The following AFF3 variants were observed in gnomAD, a reference collection of about 807,000 sequenced individuals.
AFF3 encodes AF4/FMR2 family member 3.
AFF3 carries 32 observed loss-of-function variants against 129.7 expected under a neutral mutation model. The observed-to-expected ratio is 0.25, with a 90% CI of 0.19 to 0.33. The LOEUF is 0.33. Among genes scored for constraint, AFF3 ranks in the 10% least tolerant of loss-of-function variants. AFF3 has a pLI of 1.00. For missense variants in AFF3, 1,373 were observed against 1,592.0 expected, an observed-to-expected ratio of 0.86 and a Z score of 2.34; for synonymous variants, 644 against 635.4, an observed-to-expected ratio of 1.01 and a Z score of -0.20.
intron 8 of AFF3, among the ~76,000 whole-genome samples, chr2:99,818,677 T>A (rs1258921286): frequency 6.6e-6 from 1 of 152,192 alleles, no homozygotes; most frequent in African/African-American, 2.4e-5. Flanking sequence ...GATAGCTGGT[T>A]CAAGCAATCT....
chr2:100,031,958 A>G (rs1684527466), intron 4 of AFF3, among the ~76,000 whole-genome samples: 1 of 152,248 alleles, frequency 6.6e-6, no homozygotes, highest in South Asian at 2.1e-4. Flanking sequence ...CAATCTCACA[A>G]ACATAATATT....
intron 7 of AFF3, among the ~76,000 whole-genome samples, chr2:99,913,513 T>C: frequency 6.6e-6 from 1 of 152,210 alleles, no homozygotes; most frequent in East Asian, 1.9e-4. Flanking sequence ...TATGTATATG[T>C]ATATATGCAC....
chr2:100,019,783 C>T (rs1246722056), intron 4 of AFF3, among the ~76,000 whole-genome samples: 1 of 152,082 alleles, frequency 6.6e-6, no homozygotes, highest in African/African-American at 2.4e-5. Context: ...TTTCCCTCCT[C>T]CAACCTTCCC....
intron 8 of AFF3, among the ~76,000 whole-genome samples, chr2:99,816,404 T>G (rs1687236310): frequency 6.6e-6 from 1 of 152,224 alleles, no homozygotes; most frequent in African/African-American, 2.4e-5. Context: ...TTGTAAGTCT[T>G]GTAATTTTTT....
chr2:99,909,326 G>A (rs1299253762), intron 7 of AFF3, among the ~76,000 whole-genome samples: 2 of 145,860 alleles, frequency 1.4e-5, no homozygotes, highest in African/African-American at 2.5e-5. Context: ...ATCACACACC[G>A]GGGACTGCTG....
At chr2:99,757,505 C>A (rs114322446) in intron 8 of AFF3, among the ~76,000 whole-genome samples, 4 of 152,072 alleles carry the variant, frequency 2.6e-5, no homozygotes, top group African/African-American at 7.2e-5. Context: ...CGATTTTAAA[C>A]GCTTTATGTG....
At chr2:99,752,469 T>TCA (rs1681740283) in intron 8 of AFF3, among the ~76,000 whole-genome samples, 168 bp from the exon 9 acceptor site, 2 of 152,362 alleles carry the variant, frequency 1.3e-5, no homozygotes, top group Non-Finnish European at 2.9e-5. Flanking sequence ...TTTTATGATT[T>TCA]CATTTCCTAA....
chr2:99,778,895 C>CGT (rs779791266), intron 8 of AFF3, among the ~76,000 whole-genome samples: 3 of 137,134 alleles, frequency 2.2e-5, no homozygotes, highest in African/African-American at 9.3e-5. Context: ...TGTGTGTGTG[C>CGT]GCGTGTGTGT....
intron 4 of AFF3, among the ~76,000 whole-genome samples, chr2:100,037,471 T>C (rs1414486826): frequency 2.8e-5 from 3 of 107,508 alleles, no homozygotes; most frequent in African/African-American, 1.1e-4. Context: ...TAAATATATA[T>C]TTATATTTTA....
intron 13 of AFF3, among the ~76,000 whole-genome samples, chr2:99,621,393 C>A (rs1681990579): frequency 6.6e-6 from 1 of 152,216 alleles, no homozygotes; most frequent in South Asian, 2.1e-4. Context: ...CTATGCTGTG[C>A]TGTGGGTAGA....
At chr2:99,694,826 C>G (rs534267756) in intron 11 of AFF3, among the ~76,000 whole-genome samples, 1 of 152,154 alleles carries the variant, frequency 6.6e-6, no homozygotes, top group African/African-American at 2.4e-5. Flanking sequence ...CCTGACTCAG[C>G]CTCCTAAGTA....
chr2:99,753,506 C>T (rs551859135), intron 8 of AFF3, among the ~76,000 whole-genome samples: 172 of 152,236 alleles, frequency 1.1e-3, no homozygotes, highest in Non-Finnish European at 1.8e-3. Flanking sequence ...GAGGTGAGGA[C>T]ATTTCCTTAC....
chr2:99,652,646 AG>A (rs2105652982), intron 12 of AFF3, among the ~76,000 whole-genome samples: 2 of 152,276 alleles, frequency 1.3e-5, no homozygotes, highest in South Asian at 4.2e-4. Flanking sequence ...ATTCTGGGAC[AG>A]GTTTTGCCAT....
chr2:99,797,680 G>C (rs1227499830), intron 8 of AFF3, among the ~76,000 whole-genome samples: 1 of 152,044 alleles, frequency 6.6e-6, no homozygotes, highest in Non-Finnish European at 1.5e-5. Flanking sequence ...AAAGCAGCCA[G>C]AGAAAGACGA....
At position 100,009,863 on chromosome 2, in the gene AFF3, C is replaced by A. The variant is rs17023418; in HGVS notation, c.54-931G>T. Among the ~76,000 whole-genome samples, 1,297 of 152,266 alleles carry A rather than the reference C, an allele frequency of 8.5e-3. 24 individuals carry two copies. Among genetic ancestry groups the A allele is most frequent in the African/African-American group, 0.029 (1,222 of 41,548 alleles). On this transcript the variant is annotated intron_variant, in intron 4 of 24. Coordinates refer to ENST00000672756, the MANE Select transcript of AFF3 (RefSeq NM_001386135.1). The stretch of plus-strand genomic sequence containing the variant: ...CTCCGTGTAGACAACAGAACCAACA[C>A]TACCAATCAAAAAGAGCTTACAGAT...
chr2:99,627,238 G>GT (rs892643510), intron 13 of AFF3, among the ~76,000 whole-genome samples: 81 of 149,940 alleles, frequency 5.4e-4, no homozygotes, highest in Admixed American at 1.1e-3. Flanking sequence ...GCTAACATCT[G>GT]TTTTTTTTTG....
In AFF3 at chr2:100,139,502, T is replaced by A. The variant is rs570555249; in HGVS notation, c.-228+2982A>T. 5.7e-4 allele frequency among the ~76,000 whole-genome samples: 87 copies of A among 152,138 alleles called. 1 individual carries two copies. The South Asian group carries it at 0.018, about 32-fold the overall frequency. On this transcript the variant is annotated intron_variant, in intron 1 of 24. Coordinates refer to ENST00000672756, the MANE Select transcript of AFF3 (RefSeq NM_001386135.1). Reference sequence around the variant, plus strand: ...TCGTGTTTATTAGTTATTGCAGGAGTCTAGTTGTCTTGTATTCATTATAAC... The same window carrying A: ...TCGTGTTTATTAGTTATTGCAGGAGACTAGTTGTCTTGTATTCATTATAAC...
chr2:100,061,274 C>A (rs1207327592), intron 4 of AFF3, among the ~76,000 whole-genome samples: 1 of 152,084 alleles, frequency 6.6e-6, no homozygotes, highest in Non-Finnish European at 1.5e-5. Context: ...TGGGGAGTAA[C>A]TATATAAATA....
chr2:99,574,491 A>G (rs1676804799), intron 18 of AFF3, among the ~76,000 whole-genome samples: 1 of 152,168 alleles, frequency 6.6e-6, no homozygotes, highest in Non-Finnish European at 1.5e-5. Context: ...CGGGCTTGGA[A>G]ACCCATTAAT....
Sources: allele counts gnomAD v4.1 joint callset (sites outside exome capture counted in the v4.1 genomes callset), GRCh38; gene constraint gnomAD v4.1.1; transcripts MANE v1.5; gene names NCBI Gene and HGNC (gene_info 2026-07-23, HGNC 2026-07-21).